Variants in CCDC85A observed in about 807,000 individuals in gnomAD.
The protein encoded by CCDC85A is coiled-coil domain-containing protein 85A.
In CCDC85A, 38 loss-of-function variants were observed where a neutral mutation model predicts 50.2. The ratio of observed to expected loss-of-function variants is 0.76; its 90% confidence interval spans 0.58 to 0.99. The LOEUF (loss-of-function observed/expected upper bound fraction) is 0.99, where lower values mean the gene tolerates loss of function less well. Among genes scored for constraint, CCDC85A ranks in the 50% least tolerant of loss-of-function variants. The pLI is 0.00. For missense variants in CCDC85A, 820 were observed against 742.0 expected (o/e 1.11, Z -1.22); for synonymous variants, 366 against 301.4 (o/e 1.21, Z -2.22).
At chr2:56,342,446 G>GAGTGTGCCCTGTTCA (rs1674419493) in intron 2 of CCDC85A, among the ~76,000 whole-genome samples, 1 of 152,094 alleles carries the variant, frequency 6.6e-6, no homozygotes, top group South Asian at 2.1e-4. Context: ...TTTGAGTTCT[G>GAGTGTGCCCTGTTCA]GTTTTGCCCT....
chr2:56,223,247 G>A lies in CCDC85A; in HGVS notation c.1240+29807G>A, dbSNP rs559218412. ...ATCAGTCATATTTTTCTAGAGAGAG[G>A]GGTTAGCAAACATTTTCTGTAAAGG... On this transcript the variant is annotated intron_variant, in intron 2 of 5. Transcript: ENST00000407595. Among the ~76,000 whole-genome samples the A allele has an allele frequency of 1.8e-4, 27 of 152,134 alleles. No homozygotes were observed. In the South Asian group the frequency reaches 5.6e-3, roughly 32 times the overall value.
intron 5 of CCDC85A, chr2:56,383,894 G>T (rs1262642456): frequency 3.0e-6 from 1 of 333,358 alleles, no homozygotes; most frequent in Admixed American, 6.5e-5. Context: ...TAAAAATGCA[G>T]TTGTCCATGC....
chr2:56,193,166 A>C lies in CCDC85A; in HGVS notation c.966A>C (p.Ser322=), dbSNP rs771638419. The part of the protein sequence containing the change: ...GSPEHFQKHR[S]GSSPEHARHS... The stretch of plus-strand genomic sequence containing the variant: ...CGGAACACTTCCAGAAGCACCGGTC[A>C]GGGAGCAGCCCTGAACACGCCAGGC... Residue 322 remains serine, a synonymous_variant, in exon 2 of 6, where the codon TCA becomes TCC. Coordinates refer to ENST00000407595, the MANE Select transcript of CCDC85A (RefSeq NM_001080433.2). The C allele has an allele frequency of 5.0e-6, 8 of 1,613,184 alleles. No individual in the cohort carries two copies. The highest frequency in any genetic ancestry group is 3.3e-5 in the South Asian group (3 of 91,030).
At chr2:56,224,083 C>T (rs1265602585) in intron 2 of CCDC85A, among the ~76,000 whole-genome samples, 1 of 152,170 alleles carries the variant, frequency 6.6e-6, no homozygotes, top group African/African-American at 2.4e-5. Flanking sequence ...CCCAAAATAT[C>T]ATTTGCATTT....
chr2:56,303,459 A>G (rs1445646025), intron 2 of CCDC85A, among the ~76,000 whole-genome samples: 1 of 152,104 alleles, frequency 6.6e-6, no homozygotes, highest in East Asian at 1.9e-4. Flanking sequence ...ATGAAGAAAT[A>G]GAGGAAGATG....
intron 2 of CCDC85A, among the ~76,000 whole-genome samples, chr2:56,286,165 T>C (rs1444099076): frequency 6.6e-6 from 1 of 152,222 alleles, no homozygotes; most frequent in Non-Finnish European, 1.5e-5. Flanking sequence ...TATCTTTGAT[T>C]TTTAGCAGTT....
chr2:56,209,322 C>T (rs976530025), intron 2 of CCDC85A, among the ~76,000 whole-genome samples: 4 of 151,848 alleles, frequency 2.6e-5, no homozygotes, highest in African/African-American at 9.7e-5. Context: ...TTAAAACAAA[C>T]AGACAAACAA....
chr2:56,338,207 T>A (rs573454963), intron 2 of CCDC85A, among the ~76,000 whole-genome samples: 3 of 152,364 alleles, frequency 2.0e-5, no homozygotes, highest in Admixed American at 2.0e-4. Flanking sequence ...ATCTCAGTTT[T>A]ATGAAGCTGT....
intron 1 of CCDC85A, among the ~76,000 whole-genome samples, chr2:56,190,174 TTCTGAGTAC>T (rs1315013734): frequency 6.6e-6 from 1 of 152,210 alleles, no homozygotes; most frequent in Non-Finnish European, 1.5e-5. Context: ...TCAGCCCCCT[TTCTGAGTAC>T]CTCTAGTTCT....
intron 2 of CCDC85A, among the ~76,000 whole-genome samples, chr2:56,276,247 A>C (rs1416292246): frequency 7.4e-6 from 1 of 135,570 alleles, no homozygotes; most frequent in Non-Finnish European, 1.6e-5. Flanking sequence ...AAGGTTATGG[A>C]CCTAGAAACA....
At chr2:56,358,013 C>T (rs1675323859) in intron 3 of CCDC85A, among the ~76,000 whole-genome samples, 1 of 152,218 alleles carries the variant, frequency 6.6e-6, no homozygotes, top group South Asian at 2.1e-4. Context: ...GAGAATGTCA[C>T]CTATTAATGG....
chr2:56,279,152 C>T (rs1436830544), intron 2 of CCDC85A, among the ~76,000 whole-genome samples: 1 of 152,182 alleles, frequency 6.6e-6, no homozygotes, highest in Non-Finnish European at 1.5e-5. Flanking sequence ...AGAAAGTTGA[C>T]CTTCCAGCAG....
At chr2:56,290,144 T>A (rs973078401) in intron 2 of CCDC85A, among the ~76,000 whole-genome samples, 2 of 152,230 alleles carry the variant, frequency 1.3e-5, no homozygotes, top group Non-Finnish European at 2.9e-5. Context: ...GACATTTCAA[T>A]TGTAGTGAGT....
intron 2 of CCDC85A, among the ~76,000 whole-genome samples, chr2:56,272,072 T>C (rs1014397401): frequency 2.0e-5 from 3 of 152,162 alleles, no homozygotes; most frequent in African/African-American, 7.2e-5. Flanking sequence ...GTAAAGGACA[T>C]AGTATAATGT....
chr2:56,358,266 A>G (rs1375897413), intron 3 of CCDC85A, among the ~76,000 whole-genome samples: 1 of 152,176 alleles, frequency 6.6e-6, no homozygotes, highest in African/African-American at 2.4e-5. Context: ...GATATTTACT[A>G]TGAGAGTTCA....
chr2:56,252,496 G>T (rs1245265544), intron 2 of CCDC85A, among the ~76,000 whole-genome samples: 1 of 152,090 alleles, frequency 6.6e-6, no homozygotes, highest in East Asian at 1.9e-4. Context: ...AAAATGCATA[G>T]TACGTAAAAG....
At chr2:56,351,904 GT>G (rs1221919869) in intron 3 of CCDC85A, among the ~76,000 whole-genome samples, 2 of 152,092 alleles carry the variant, frequency 1.3e-5, no homozygotes, top group Non-Finnish European at 2.9e-5. Flanking sequence ...TGCTTTTGGT[GT>G]TTTAGACATG....
At chr2:56,301,198 A>G (rs1420300022) in intron 2 of CCDC85A, among the ~76,000 whole-genome samples, 2 of 152,144 alleles carry the variant, frequency 1.3e-5, no homozygotes, top group Non-Finnish European at 2.9e-5. Context: ...TGTATGAAGT[A>G]TTTATGGAGC....
At chr2:56,224,580 A>G (rs969961383) in intron 2 of CCDC85A, among the ~76,000 whole-genome samples, 13 of 152,136 alleles carry the variant, frequency 8.5e-5, no homozygotes, top group Admixed American at 8.5e-4. Context: ...TCAGCAGTGT[A>G]TGAGGGTTCC....
Sources: gnomAD v4.1 joint callset for allele counts (sites outside exome capture counted in the v4.1 genomes callset) on GRCh38, gnomAD v4.1.1 for gene constraint, MANE v1.5 for transcripts, NCBI Gene and HGNC (gene_info 2026-07-23, HGNC 2026-07-21) for gene names.